PARD3B: variants seen among roughly 807,000 people sequenced by gnomAD.
PARD3B encodes the protein par-3 family cell polarity regulator beta, also known as partitioning defective 3 homolog B.
PARD3B carries 103 observed loss-of-function variants against 130.2 expected under a neutral mutation model. The ratio of observed to expected loss-of-function variants is 0.79; its 90% CI spans 0.67 to 0.93. The LOEUF is 0.93. Ranked by LOEUF, PARD3B falls within the 40% of genes least tolerant of loss-of-function variation. PARD3B has a pLI of 0.00. For missense variants in PARD3B, 1,609 were observed against 1,499.2 expected (o/e 1.07, Z -1.21); for synonymous variants, 583 against 553.2 (o/e 1.05, Z -0.76).
At chr2:205,041,159 T>C (rs1698371198) in intron 3 of PARD3B, among the ~76,000 whole-genome samples, 1 of 152,238 alleles carries the variant, frequency 6.6e-6, no homozygotes, top group African/African-American at 2.4e-5. Context: ...CACTTCATGT[T>C]TGTATCTACC....
chr2:205,362,236 G>C (rs2044416588), intron 18 of PARD3B, among the ~76,000 whole-genome samples: 2 of 152,024 alleles, frequency 1.3e-5, no homozygotes, highest in Non-Finnish European at 2.9e-5. Context: ...TTAAATATAG[G>C]TATTATTATA....
At chr2:205,548,324 C>T (rs560429475) in intron 21 of PARD3B, among the ~76,000 whole-genome samples, 19 of 152,232 alleles carry the variant, frequency 1.2e-4, no homozygotes, top group South Asian at 1.0e-3. Flanking sequence ...TTATACTCAA[C>T]GATCAGACAT....
At chr2:204,648,243 T>A (rs2035340943) in intron 1 of PARD3B, among the ~76,000 whole-genome samples, 1 of 151,528 alleles carries the variant, frequency 6.6e-6, no homozygotes, top group African/African-American at 2.4e-5. Flanking sequence ...GACCATAATC[T>A]ATATTTTAAA....
chr2:205,301,188 A>T lies in PARD3B; in HGVS notation c.2393-276A>T, dbSNP rs988163952. On this transcript the variant is annotated intron_variant, in intron 17 of 22. Transcript: ENST00000406610. The surrounding 1 kb of genome is among the most constrained non-coding windows in gnomAD (Gnocchi z 5.2). ...AGGCTTTCTGAGCTGATCAAGGTTA[A>T]CAAGGCAGCTTTCAGAGAGATTAGT... 2.0e-5 allele frequency among the ~76,000 whole-genome samples: 3 copies of T among 152,322 alleles called. No homozygotes were observed. Among genetic ancestry groups the T allele is most frequent in the Admixed American group, 6.5e-5 (1 of 15,306 alleles).
In PARD3B at chr2:205,584,151, G is replaced by A. The variant is rs938740656; in HGVS notation, c.3260+30748G>A. 1.3e-5 allele frequency among the ~76,000 whole-genome samples: 2 copies of A among 151,904 alleles called. No individual in the cohort carries two copies. Among genetic ancestry groups the A allele is most frequent in the East Asian group, 1.9e-4 (1 of 5,154 alleles). ...AGATCTGCACTCCAATATGGTAGCCGCAACAACATGGGGCTATCAGACATT... is the reference window on the plus strand; with the variant it reads ...AGATCTGCACTCCAATATGGTAGCCACAACAACATGGGGCTATCAGACATT... On this transcript the variant is annotated intron_variant, in intron 22 of 22. Transcript: ENST00000406610. The surrounding 1 kb of genome is among the most constrained non-coding windows in gnomAD (Gnocchi z 5.5).
At chr2:205,303,191 G>A (rs958604457) in intron 18 of PARD3B, among the ~76,000 whole-genome samples, 1 of 152,178 alleles carries the variant, frequency 6.6e-6, no homozygotes, top group Admixed American at 6.5e-5. Context: ...GCATCCTATG[G>A]TATGGTGGGA....
chr2:205,561,200 A>G (rs1160071301), intron 22 of PARD3B, among the ~76,000 whole-genome samples: 3 of 152,130 alleles, frequency 2.0e-5, no homozygotes, highest in Non-Finnish European at 4.4e-5. Flanking sequence ...TCTCTTCTAC[A>G]ATGAACTTCT....
intron 22 of PARD3B, among the ~76,000 whole-genome samples, chr2:205,607,728 T>A (rs968545385): frequency 6.6e-6 from 1 of 152,044 alleles, no homozygotes; most frequent in Non-Finnish European, 1.5e-5. Context: ...TTCCCTGCAC[T>A]TACATTTCTG....
chr2:205,601,632 GT>G (rs1223045717), intron 22 of PARD3B, among the ~76,000 whole-genome samples: 1 of 152,106 alleles, frequency 6.6e-6, no homozygotes, highest in Non-Finnish European at 1.5e-5. Context: ...ATAGTTTTGG[GT>G]TTTACATTTA....
intron 1 of PARD3B, among the ~76,000 whole-genome samples, chr2:204,571,938 C>G (rs2032027897): frequency 6.6e-6 from 1 of 152,174 alleles, no homozygotes; most frequent in Non-Finnish European, 1.5e-5. Context: ...AAAGGTCAAT[C>G]ACAGTGAACT....
At chr2:205,306,572 C>T (rs1324968789) in intron 18 of PARD3B, among the ~76,000 whole-genome samples, 1 of 152,062 alleles carries the variant, frequency 6.6e-6, no homozygotes, top group Non-Finnish European at 1.5e-5. Context: ...AGTGCTGGTT[C>T]TTCCCTTTTA....
chr2:204,579,731 CA>C (rs35069042), intron 1 of PARD3B, among the ~76,000 whole-genome samples: 7,435 of 152,326 alleles, frequency 0.049, 623 homozygotes, highest in African/African-American at 0.17. Context: ...CATGGAACAA[CA>C]AGCTCATTCC....
chr2:205,324,990 C>T (rs144846335), intron 18 of PARD3B, among the ~76,000 whole-genome samples: 3 of 152,302 alleles, frequency 2.0e-5, no homozygotes, highest in Non-Finnish European at 2.9e-5. Context: ...TCCATCAATT[C>T]GTTACCAAGT....
intron 2 of PARD3B, among the ~76,000 whole-genome samples, chr2:204,753,523 G>A (rs1017536997): frequency 7.5e-5 from 11 of 146,132 alleles, no homozygotes; most frequent in East Asian, 1.9e-4. Flanking sequence ...ATAAATAAAC[G>A]GAACCCCCCA....
intron 3 of PARD3B, among the ~76,000 whole-genome samples, chr2:205,001,023 C>G (rs186939335): frequency 6.6e-6 from 1 of 152,176 alleles, no homozygotes; most frequent in African/African-American, 2.4e-5. Context: ...GAGTTTTGCT[C>G]TTTTTGCCCA....
chr2:205,350,842 C>T (rs1234053485), intron 18 of PARD3B, among the ~76,000 whole-genome samples: 1 of 152,080 alleles, frequency 6.6e-6, no homozygotes, highest in Non-Finnish European at 1.5e-5. Context: ...ACATACTACC[C>T]ATTTTGTTTG....
intron 2 of PARD3B, among the ~76,000 whole-genome samples, chr2:204,744,970 A>G (rs1208034656): frequency 6.6e-6 from 1 of 152,148 alleles, no homozygotes; most frequent in Non-Finnish European, 1.5e-5. Flanking sequence ...TTGAAAAAAG[A>G]TAGTTGACAA....
chr2:204,580,783 G>C (rs920117449), intron 1 of PARD3B, among the ~76,000 whole-genome samples: 4 of 152,170 alleles, frequency 2.6e-5, no homozygotes, highest in African/African-American at 7.2e-5. Flanking sequence ...GAGAGACTGT[G>C]ATCTTGTCAA....
chr2:205,289,166 A>G (rs2041510045), intron 16 of PARD3B, among the ~76,000 whole-genome samples: 1 of 152,216 alleles, frequency 6.6e-6, no homozygotes, highest in African/African-American at 2.4e-5. Flanking sequence ...TACTAATAGA[A>G]GTAAAGGAGA....
Sources: allele counts gnomAD v4.1 joint callset (sites outside exome capture counted in the v4.1 genomes callset), GRCh38; gene constraint gnomAD v4.1.1; non-coding constraint Gnocchi (gnomAD v3.1); transcripts MANE v1.5; gene names NCBI Gene and HGNC (gene_info 2026-07-23, HGNC 2026-07-21).